The following LMX1A variants were observed in gnomAD, a reference collection of about 807,000 sequenced individuals.
LMX1A encodes the protein LIM homeobox transcription factor 1-alpha.
LMX1A carries 15 observed loss-of-function variants against 49.1 expected under a neutral mutation model. That is an observed-to-expected ratio of 0.31 (90% CI 0.20 to 0.47). LMX1A has a LOEUF of 0.47. Among genes scored for constraint, LMX1A ranks in the 20% least tolerant of loss-of-function variants. The pLI is 1.00. For synonymous variants in LMX1A, 167 were observed against 185.7 expected (o/e 0.90, Z 0.82); for missense variants, 372 against 475.8 (o/e 0.78, Z 2.03).
intron 3 of LMX1A, among the ~76,000 whole-genome samples, chr1:165,348,182 T>A (rs528546516): frequency 1.3e-5 from 2 of 152,292 alleles, no homozygotes; most frequent in Admixed American, 1.3e-4. Flanking sequence ...AAATAACTTT[T>A]AAAAATGTGT....
chr1:165,348,777 T>C (rs1210774811), intron 3 of LMX1A, among the ~76,000 whole-genome samples: 5 of 152,174 alleles, frequency 3.3e-5, no homozygotes, highest in Admixed American at 1.3e-4. Flanking sequence ...ATTAGTTCAT[T>C]ACTGATGCTA....
intron 4 of LMX1A, among the ~76,000 whole-genome samples, chr1:165,247,118 C>G (rs1206922144): frequency 8.2e-6 from 1 of 121,604 alleles, no homozygotes; most frequent in Non-Finnish European, 1.6e-5. Context: ...ACTAATGCCT[C>G]TTATTGATTT....
chr1:165,237,883 G>C (rs1409733204), intron 4 of LMX1A, among the ~76,000 whole-genome samples: 3 of 152,154 alleles, frequency 2.0e-5, no homozygotes, highest in Non-Finnish European at 4.4e-5. Context: ...AAGTTGGTAG[G>C]CTTGGCTGGA....
intron 3 of LMX1A, among the ~76,000 whole-genome samples, chr1:165,331,068 AG>A (rs1655730034): frequency 6.6e-6 from 1 of 152,228 alleles, no homozygotes; most frequent in African/African-American, 2.4e-5. Flanking sequence ...ATAACAATTC[AG>A]GTTATTGATA....
intron 3 of LMX1A, among the ~76,000 whole-genome samples, chr1:165,342,643 G>A (rs1656111898): frequency 6.6e-6 from 1 of 152,062 alleles, no homozygotes; most frequent in Non-Finnish European, 1.5e-5. Flanking sequence ...TTGTATATGA[G>A]CTGATTTCTC....
At chr1:165,353,369 C>T (rs1480160099) in intron 2 of LMX1A, 107 bp from the exon 3 acceptor site, 3 of 858,964 alleles carry the variant, frequency 3.5e-6, no homozygotes, top group Non-Finnish European at 5.3e-6. Context: ...ATTCCCCCAG[C>T]GCCCCCCACC....
intron 3 of LMX1A, among the ~76,000 whole-genome samples, chr1:165,326,360 A>C (rs1449641887): frequency 6.6e-6 from 1 of 152,208 alleles, no homozygotes; most frequent in East Asian, 1.9e-4. Flanking sequence ...GAATGTCTCA[A>C]ATCAGGGTAA....
intron 5 of LMX1A, 36 bp downstream of exon 5, chr1:165,213,605 G>C (rs1423693959): frequency 6.3e-7 from 1 of 1,585,264 alleles, no homozygotes; most frequent in Admixed American, 1.7e-5. Flanking sequence ...AGAGAAGTGG[G>C]GCCCAGCTCC....
chr1:165,281,875 G>C (rs1654162828), intron 3 of LMX1A, among the ~76,000 whole-genome samples: 1 of 152,090 alleles, frequency 6.6e-6, no homozygotes, highest in Admixed American at 6.6e-5. Flanking sequence ...CTGACTTTTA[G>C]ATTATCCATA....
intron 3 of LMX1A, among the ~76,000 whole-genome samples, chr1:165,266,762 C>A (rs1412544744): frequency 2.0e-5 from 3 of 152,006 alleles, no homozygotes; most frequent in African/African-American, 7.2e-5. Flanking sequence ...CCACCACGCC[C>A]AGCTAATTTT....
intron 3 of LMX1A, among the ~76,000 whole-genome samples, chr1:165,298,279 A>G (rs1654676193): frequency 1.3e-5 from 2 of 152,334 alleles, no homozygotes; most frequent in South Asian, 4.1e-4. Flanking sequence ...GAGGGCCTCC[A>G]TCACTTGAAG....
chr1:165,208,185 A>G, intron 6 of LMX1A, 53 bp from the exon 7 acceptor site: 1 of 1,548,084 alleles, frequency 6.5e-7, no homozygotes, highest in South Asian at 1.1e-5. Context: ...CAGCATGTTC[A>G]CAAAGTAAGG....
Position 165,210,305 on chromosome 1 carries a change from C to G in LMX1A, c.747+394G>C, listed in dbSNP as rs566940185. ...GCCCTGGGAGAAGTAAGAAAAGGCA[C>G]TCATTCTACCCTGTCATAAAATTGT... On this transcript the variant is annotated intron_variant, in intron 6 of 8. Coordinates refer to ENST00000342310, the MANE Select transcript of LMX1A (RefSeq NM_177398.4). Among the ~76,000 whole-genome samples, 640 of 152,310 alleles carry G rather than the reference C, an allele frequency of 4.2e-3. 3 individuals are homozygous for G. The highest frequency in any genetic ancestry group is 7.5e-3 in the Non-Finnish European group (508 of 68,028).
At chr1:165,217,806 G>A (rs1651697903) in intron 4 of LMX1A, among the ~76,000 whole-genome samples, 1 of 152,234 alleles carries the variant, frequency 6.6e-6, no homozygotes, top group Admixed American at 6.5e-5. Flanking sequence ...TGTCTCTGGA[G>A]TGTTTCTGTT....
chr1:165,293,297 C>T (rs754289073), intron 3 of LMX1A, among the ~76,000 whole-genome samples: 43 of 152,170 alleles, frequency 2.8e-4, no homozygotes, highest in Non-Finnish European at 5.3e-4. Flanking sequence ...AATCAACTAA[C>T]ATTGGATAAA....
intron 3 of LMX1A, among the ~76,000 whole-genome samples, chr1:165,317,657 A>G (rs1655263953): frequency 6.6e-6 from 1 of 152,188 alleles, no homozygotes; most frequent in Non-Finnish European, 1.5e-5. Context: ...GGCCCAGAAG[A>G]TTTCTGCAAA....
At chr1:165,217,782 T>A (rs1285274340) in intron 4 of LMX1A, among the ~76,000 whole-genome samples, 1 of 152,218 alleles carries the variant, frequency 6.6e-6, no homozygotes. Flanking sequence ...ATGGTAGCAG[T>A]AGTAGTGGTG....
At chr1:165,206,153 G>T in intron 7 of LMX1A, 119 bp from the exon 8 acceptor site, 2 of 904,248 alleles carry the variant, frequency 2.2e-6, no homozygotes, top group Non-Finnish European at 3.3e-6. Flanking sequence ...AGTGGTCCCA[G>T]CCTTTGTCCT....
intron 3 of LMX1A, among the ~76,000 whole-genome samples, chr1:165,343,277 C>T (rs1030991757): frequency 1.3e-5 from 2 of 152,002 alleles, no homozygotes; most frequent in Admixed American, 6.6e-5. Flanking sequence ...TAAGGAACAG[C>T]GGGACAAGGA....
Sources: allele counts gnomAD v4.1 joint callset (sites outside exome capture counted in the v4.1 genomes callset), GRCh38; gene constraint gnomAD v4.1.1; transcripts MANE v1.5; gene names NCBI Gene and HGNC (gene_info 2026-07-23, HGNC 2026-07-21).